ADAMTSL1: variants seen among roughly 807,000 people sequenced by gnomAD.
ADAMTSL1 encodes ADAMTS like 1, also known as ADAMTS-like protein 1.
In ADAMTSL1, 126 loss-of-function variants were observed where a neutral mutation model predicts 201.8. The observed-to-expected ratio is 0.62, with a 90% CI of 0.54 to 0.72. The LOEUF (loss-of-function observed/expected upper bound fraction) is 0.72. Ranked by LOEUF, ADAMTSL1 falls within the 30% of genes least tolerant of loss-of-function variation. The pLI is 0.00. For missense variants in ADAMTSL1, 2,679 were observed against 2,277.8 expected (o/e 1.18, Z -3.59); for synonymous variants, 1,121 against 903.4 (o/e 1.24, Z -4.32).
chr9:17,976,192 T>G (rs1818439560), intron 1 of ADAMTSL1, among the ~76,000 whole-genome samples: 1 of 151,818 alleles, frequency 6.6e-6, no homozygotes, highest in South Asian at 2.1e-4. Context: ...CAAGATCGCT[T>G]TAGCTATTTG....
chr9:18,531,063 A>T (rs778758528), intron 2 of ADAMTSL1, among the ~76,000 whole-genome samples: 2 of 152,224 alleles, frequency 1.3e-5, no homozygotes, highest in Admixed American at 6.5e-5. Context: ...GATATTTTTC[A>T]GCAATAGCAC....
At chr9:18,130,905 T>C (rs1478002608) in intron 1 of ADAMTSL1, among the ~76,000 whole-genome samples, 1 of 152,166 alleles carries the variant, frequency 6.6e-6, no homozygotes, top group Non-Finnish European at 1.5e-5. Context: ...TTCTGGACTT[T>C]CTTGAAAAGT....
chr9:17,976,880 A>T (rs1818474023), intron 1 of ADAMTSL1, among the ~76,000 whole-genome samples: 1 of 152,016 alleles, frequency 6.6e-6, no homozygotes, highest in Non-Finnish European at 1.5e-5. Flanking sequence ...TTTTGAATAT[A>T]AATGGCAAGA....
chr9:18,417,098 G>A (rs573452229), intron 2 of ADAMTSL1, among the ~76,000 whole-genome samples: 1 of 151,774 alleles, frequency 6.6e-6, no homozygotes, highest in South Asian at 2.1e-4. Flanking sequence ...AACTAAATTA[G>A]AAAAGAATAA....
chr9:18,715,839 C>T (rs1000623543), intron 14 of ADAMTSL1, among the ~76,000 whole-genome samples: 1 of 151,968 alleles, frequency 6.6e-6, no homozygotes, highest in Non-Finnish European at 1.5e-5. Flanking sequence ...TCAAGCCATA[C>T]TACAAGGCTA....
chr9:18,223,290 A>G (rs1830330862), intron 2 of ADAMTSL1, among the ~76,000 whole-genome samples: 1 of 152,148 alleles, frequency 6.6e-6, no homozygotes, highest in Admixed American at 6.5e-5. Context: ...ATTTGAAATG[A>G]TCGATCATTA....
At chr9:18,698,682 G>A (rs1278373472) in intron 13 of ADAMTSL1, among the ~76,000 whole-genome samples, 1 of 152,168 alleles carries the variant, frequency 6.6e-6, no homozygotes. Flanking sequence ...AACCAAGAGA[G>A]TTTGGTGTCA....
At chr9:18,876,381 T>C (rs185001114) in intron 23 of ADAMTSL1, among the ~76,000 whole-genome samples, 6 of 151,598 alleles carry the variant, frequency 4.0e-5, no homozygotes, top group African/African-American at 1.5e-4. Flanking sequence ...AAGTTCTATT[T>C]TGGTGTATTT....
chr9:17,990,270 A>T (rs1398921273), intron 1 of ADAMTSL1, among the ~76,000 whole-genome samples: 1 of 152,054 alleles, frequency 6.6e-6, no homozygotes, highest in Non-Finnish European at 1.5e-5. Flanking sequence ...AAAGTTAGAG[A>T]AATAGCTCTT....
At chr9:18,152,355 A>C (rs964519761) in intron 1 of ADAMTSL1, among the ~76,000 whole-genome samples, 4 of 152,068 alleles carry the variant, frequency 2.6e-5, no homozygotes, top group African/African-American at 7.2e-5. Flanking sequence ...GGGCACTGCA[A>C]AGTTCAGTAT....
intron 2 of ADAMTSL1, among the ~76,000 whole-genome samples, chr9:18,318,172 T>C (rs1284419867): frequency 6.6e-6 from 1 of 152,240 alleles, no homozygotes; most frequent in Non-Finnish European, 1.5e-5. Context: ...TTTTATGTTA[T>C]GCTAATTTGC....
chr9:18,205,724 G>A (rs1019249597), intron 2 of ADAMTSL1, among the ~76,000 whole-genome samples: 3 of 151,994 alleles, frequency 2.0e-5, no homozygotes, highest in Non-Finnish European at 4.4e-5. Flanking sequence ...CAAACTCATA[G>A]TCTCATGAGA....
At chr9:18,169,512 T>A (rs1401793345) in intron 2 of ADAMTSL1, among the ~76,000 whole-genome samples, 1 of 152,194 alleles carries the variant, frequency 6.6e-6, no homozygotes, top group Non-Finnish European at 1.5e-5. Flanking sequence ...AGTACCATGC[T>A]GTTTTGGTTA....
At position 18,586,708 on chromosome 9, in the gene ADAMTSL1, A is replaced by G. The variant is rs187227197; in HGVS notation, c.474+12442A>G. Among the ~76,000 whole-genome samples the G allele has an allele frequency of 6.6e-4, 101 of 152,336 alleles. 2 individuals are homozygous for G. In the East Asian group the frequency reaches 0.013, roughly 19 times the overall value. On this transcript the variant is annotated intron_variant, in intron 4 of 28. Transcript: ENST00000380548. The stretch of plus-strand genomic sequence containing the variant: ...TGACTTCAAACTATAGTACAGGACT[A>G]CAGTGACCAAAACAGCATGGTACTG...
intron 1 of ADAMTSL1, among the ~76,000 whole-genome samples, chr9:18,040,313 A>C (rs1007732267): frequency 6.6e-6 from 1 of 152,188 alleles, no homozygotes; most frequent in Non-Finnish European, 1.5e-5. Flanking sequence ...CTCTGATAAA[A>C]TAAAGCCCTT....
At chr9:18,086,614 T>C (rs1823781538) in intron 1 of ADAMTSL1, among the ~76,000 whole-genome samples, 1 of 152,204 alleles carries the variant, frequency 6.6e-6, no homozygotes, top group Non-Finnish European at 1.5e-5. Context: ...ACTTGTACTC[T>C]ACACTGTGAT....
intron 7 of ADAMTSL1, among the ~76,000 whole-genome samples, chr9:18,646,536 T>C (rs560917967): frequency 1.4e-5 from 2 of 146,996 alleles, no homozygotes; most frequent in Non-Finnish European, 3.0e-5. Flanking sequence ...TTGTCACAGA[T>C]AGCTCTTATT....
chr9:18,024,471 G>A (rs763832739), intron 1 of ADAMTSL1, among the ~76,000 whole-genome samples: 3 of 151,960 alleles, frequency 2.0e-5, no homozygotes, highest in Non-Finnish European at 4.4e-5. Flanking sequence ...TTATGTCCCT[G>A]TGAATTCAAT....
At chr9:17,984,810 C>G (rs1298701527) in intron 1 of ADAMTSL1, among the ~76,000 whole-genome samples, 1 of 152,126 alleles carries the variant, frequency 6.6e-6, no homozygotes, top group Non-Finnish European at 1.5e-5. Flanking sequence ...TAGTCTAGCT[C>G]TGATTTAGGC....
Sources: gnomAD v4.1 joint callset for allele counts (sites outside exome capture counted in the v4.1 genomes callset) on GRCh38, gnomAD v4.1.1 for gene constraint, MANE v1.5 for transcripts, NCBI Gene and HGNC (gene_info 2026-07-23, HGNC 2026-07-21) for gene names.